The following ST8SIA6 variants were observed in gnomAD, a reference collection of about 807,000 sequenced individuals.
ST8SIA6 encodes the protein alpha-2,8-sialyltransferase 8F.
ST8SIA6 carries 39 observed loss-of-function variants against 33.6 expected under a neutral mutation model. The observed-to-expected ratio is 1.16, with a 90% CI of 0.90 to 1.52. The LOEUF is 1.52. ST8SIA6 is among the 40% of genes most tolerant of loss of function. The pLI is 0.00. For synonymous variants in ST8SIA6, 172 were observed against 167.2 expected (o/e 1.03, Z -0.22); for missense variants, 441 against 443.8 (o/e 0.99, Z 0.06).
chr10:17,356,416 ACT>A (rs2131613911), intron 4 of ST8SIA6, among the ~76,000 whole-genome samples: 1 of 149,736 alleles, frequency 6.7e-6, no homozygotes, highest in Non-Finnish European at 1.5e-5. Flanking sequence ...AGGTGGAGTC[ACT>A]CTGTCAGCCA....
intron 4 of ST8SIA6, among the ~76,000 whole-genome samples, chr10:17,344,829 G>T (rs1848780363): frequency 6.6e-6 from 1 of 152,204 alleles, no homozygotes; most frequent in Non-Finnish European, 1.5e-5. Context: ...AGTGCACAGA[G>T]TCAAGGCTAA....
chr10:17,326,799 A>G (rs1588781476), intron 6 of ST8SIA6, among the ~76,000 whole-genome samples: 2 of 152,314 alleles, frequency 1.3e-5, no homozygotes, highest in South Asian at 4.1e-4. Flanking sequence ...AGTTTCCTAA[A>G]CATATATAAA....
At chr10:17,374,865 G>A (rs961625602) in intron 3 of ST8SIA6, among the ~76,000 whole-genome samples, 1 of 151,600 alleles carries the variant, frequency 6.6e-6, no homozygotes, top group Non-Finnish European at 1.5e-5. Context: ...TAAGAATGTA[G>A]TGTGTTGGTA....
intron 3 of ST8SIA6, among the ~76,000 whole-genome samples, chr10:17,368,407 CAAAAAAAAA>C (rs200826980): frequency 0.36 from 26,089 of 72,396 alleles, 3,425 homozygotes; most frequent in East Asian, 0.66. Context: ...AGCTCTGTCT[CAAAAAAAAA>C]AAAAAAAAAA....
At chr10:17,325,768 G>A (rs1181392945) in intron 6 of ST8SIA6, among the ~76,000 whole-genome samples, 3 of 152,034 alleles carry the variant, frequency 2.0e-5, no homozygotes, top group African/African-American at 7.2e-5. Context: ...TCTATATTCG[G>A]GAAAATACCT....
intron 6 of ST8SIA6, 35 bp from the exon 7 acceptor site, chr10:17,323,192 A>G: frequency 6.3e-7 from 1 of 1,575,798 alleles, no homozygotes; most frequent in South Asian, 1.1e-5. Context: ...TTCAAAATAG[A>G]ACTTGTAGAA....
In ST8SIA6 at chr10:17,453,564, A is replaced by T; in HGVS notation, c.195T>A (p.Thr65=). ...RSPATAVPRA[T]NSTYLNEKSL... ...CGCGCTGGGCGCCGCTGTACCTGTT[A>T]GTGGCGCGCGGTACCGCGGTCGCCG... The change falls in exon 2 of 8, where the codon ACT becomes ACA. Residue 65 remains threonine, a synonymous_variant. Transcript: ENST00000377602. 1 of 1,327,758 alleles carries T rather than the reference A, an allele frequency of 7.5e-7. No homozygotes were observed. The highest frequency in any genetic ancestry group is 2.9e-5 in the East Asian group (1 of 34,404). 82.2% of individuals were successfully genotyped at this position (1,327,758 alleles called of 1,614,324 possible). A position where few individuals can be genotyped will look rare whatever the true frequency, so the allele number is the denominator to read the frequency against.
chr10:17,330,053 T>C (rs888080149), intron 5 of ST8SIA6, among the ~76,000 whole-genome samples: 1 of 152,122 alleles, frequency 6.6e-6, no homozygotes, highest in African/African-American at 2.4e-5. Context: ...GCCCCGTCTA[T>C]GAAAGGAGAA....
chr10:17,358,125 G>C (rs759176861), intron 4 of ST8SIA6, among the ~76,000 whole-genome samples: 1 of 152,140 alleles, frequency 6.6e-6, no homozygotes, highest in Non-Finnish European at 1.5e-5. Context: ...GATGTTTAAT[G>C]GTATCCTCCA....
chr10:17,453,184 A>G (rs571268962), intron 2 of ST8SIA6, among the ~76,000 whole-genome samples: 1 of 149,972 alleles, frequency 6.7e-6, no homozygotes, highest in East Asian at 2.0e-4. Context: ...AGCATAGAAA[A>G]GAAAAAGCAA....
chr10:17,377,367 T>C (rs1386961676), intron 3 of ST8SIA6, among the ~76,000 whole-genome samples: 1 of 152,232 alleles, frequency 6.6e-6, no homozygotes, highest in Non-Finnish European at 1.5e-5. Flanking sequence ...ACACAAAGCC[T>C]GTTTGGTGGT....
chr10:17,402,421 A>G (rs1318404401), intron 2 of ST8SIA6, among the ~76,000 whole-genome samples: 2 of 152,330 alleles, frequency 1.3e-5, no homozygotes, highest in Middle Eastern at 3.4e-3. Flanking sequence ...CAGCCATCCC[A>G]TTACTGGGTA....
At chr10:17,452,004 G>A (rs1197402573) in intron 2 of ST8SIA6, among the ~76,000 whole-genome samples, 2 of 152,302 alleles carry the variant, frequency 1.3e-5, no homozygotes, top group African/African-American at 4.8e-5. Flanking sequence ...AAAACGACCT[G>A]AGATCAAACC....
intron 3 of ST8SIA6, among the ~76,000 whole-genome samples, chr10:17,370,814 G>C (rs1297177643): frequency 6.6e-6 from 1 of 152,170 alleles, no homozygotes; most frequent in Admixed American, 6.5e-5. Flanking sequence ...GAAACTTGCA[G>C]GTCACTGGAA....
At chr10:17,449,145 A>T (rs1212814427) in intron 2 of ST8SIA6, among the ~76,000 whole-genome samples, 1 of 151,954 alleles carries the variant, frequency 6.6e-6, no homozygotes, top group Non-Finnish European at 1.5e-5. Context: ...GAAAATTCAT[A>T]GTATTAAATA....
At position 17,423,037 on chromosome 10, in the gene ST8SIA6, T is replaced by C. The variant is rs866544553; in HGVS notation, c.200+30522A>G. Among the ~76,000 whole-genome samples, 5 of 152,330 alleles carry C rather than the reference T, an allele frequency of 3.3e-5. No homozygotes were observed. The South Asian group carries it at 6.2e-4, about 19-fold the overall frequency. ...TAAATGTGCATGGGTGCAATTTTAA[T>C]AGAATAGTACTGCCATTCATTTGGC... is the stretch of plus-strand genomic sequence containing the variant. On this transcript the variant is annotated intron_variant, in intron 2 of 7. Coordinates refer to ENST00000377602, the MANE Select transcript of ST8SIA6 (RefSeq NM_001004470.3).
intron 2 of ST8SIA6, among the ~76,000 whole-genome samples, chr10:17,422,887 C>A (rs751090778): frequency 2.0e-5 from 3 of 151,986 alleles, no homozygotes; most frequent in African/African-American, 7.3e-5. Context: ...GATAGAGAAG[C>A]GAATGATAGA....
chr10:17,439,252 T>C (rs557659189), intron 2 of ST8SIA6, among the ~76,000 whole-genome samples: 2 of 151,600 alleles, frequency 1.3e-5, no homozygotes, highest in Non-Finnish European at 2.9e-5. Flanking sequence ...CATTATTACT[T>C]TCTGTGCTTC....
chr10:17,451,606 A>G (rs1420527309), intron 2 of ST8SIA6, among the ~76,000 whole-genome samples: 1 of 152,198 alleles, frequency 6.6e-6, no homozygotes, highest in Non-Finnish European at 1.5e-5. Flanking sequence ...AAGTGCTTAG[A>G]TCAGTGTCTG....
Sources: gnomAD v4.1 joint callset for allele counts (sites outside exome capture counted in the v4.1 genomes callset) on GRCh38, gnomAD v4.1.1 for gene constraint, MANE v1.5 for transcripts, NCBI Gene and HGNC (gene_info 2026-07-23, HGNC 2026-07-21) for gene names.